KDM4B: variants seen among roughly 807,000 people sequenced by gnomAD.
KDM4B encodes the protein lysine demethylase 4B.
In KDM4B, 32 loss-of-function variants were observed where a neutral mutation model predicts 125.2. That is an observed-to-expected ratio of 0.26 (90% CI 0.19 to 0.34). The LOEUF (loss-of-function observed/expected upper bound fraction) is 0.34. KDM4B is among the 10% of genes least tolerant of loss of function. KDM4B has a pLI of 1.00. For missense variants in KDM4B, 1,190 were observed against 1,577.7 expected (o/e 0.75, Z 4.16); for synonymous variants, 721 against 677.9 (o/e 1.06, Z -0.99).
chr19:5,135,275 C>G, intron 14 of KDM4B, 64 bp from the exon 15 acceptor site: 1 of 1,163,386 alleles, frequency 8.6e-7, no homozygotes, highest in South Asian at 1.3e-5. Flanking sequence ...GAGAGAGGTC[C>G]GCGCCGCCCG....
At chr19:5,019,918 ATGTTGGTGTG>A (rs2036046435) in intron 2 of KDM4B, among the ~76,000 whole-genome samples, 3 of 48,310 alleles carry the variant, frequency 6.2e-5, no homozygotes, top group African/African-American at 2.3e-4. Context: ...GTTGGTGTGG[ATGTTGGTGTG>A]GGTGTTGGTG....
At position 5,111,721 on chromosome 19, in the gene KDM4B, A is replaced by T. The variant is rs1054681944; in HGVS notation, c.1115+903A>T. ...GGACGGCACAGAGTGGGCTCAGCCA[A>T]CTCCTCCGGGGAAGGGCCAGAGAGC... is the stretch of plus-strand genomic sequence containing the variant. On this transcript the variant is annotated intron_variant, in intron 10 of 22. Coordinates refer to ENST00000159111, the MANE Select transcript of KDM4B (RefSeq NM_015015.3). 2.6e-5 allele frequency: 20 copies of T among 760,508 alleles called. No homozygotes were observed. In the Admixed American group the frequency reaches 3.4e-4, roughly 13 times the overall value. 47.1% of individuals were successfully genotyped at this position (760,508 alleles called of 1,614,324 possible).
At chr19:5,070,329 C>T (rs1265586773) in intron 6 of KDM4B, among the ~76,000 whole-genome samples, 1 of 152,250 alleles carries the variant, frequency 6.6e-6, no homozygotes, top group Non-Finnish European at 1.5e-5. Flanking sequence ...AGAGTCCCAA[C>T]ATCGCAGGTC....
At position 5,037,897 on chromosome 19, in the gene KDM4B, C is replaced by T. The variant is rs542701943; in HGVS notation, c.142-1939C>T. Among the ~76,000 whole-genome samples the T allele has an allele frequency of 2.6e-5, 4 of 152,378 alleles. No individual in the cohort carries two copies. The South Asian group carries it at 8.3e-4, about 32-fold the overall frequency. ...TAAAGAAACCTGTGCATGCCGGCCA[C>T]GGAGGCAGCACCTTCCTGTCGTTAA... On this transcript the variant is annotated intron_variant, in intron 3 of 22. Coordinates refer to ENST00000159111, the MANE Select transcript of KDM4B (RefSeq NM_015015.3).
rs1221088520 is a variant in KDM4B at position 5,137,490 on chromosome 19, C to G, written c.2386-131C>G. Reference sequence around the variant, plus strand: ...GGGTGGAACCCAAGGGATTCCCACCCGTCACTTTGGTGGCTGCTAGGTTGA... The same window carrying G: ...GGGTGGAACCCAAGGGATTCCCACCGGTCACTTTGGTGGCTGCTAGGTTGA... On this transcript the variant is annotated intron_variant, in intron 16 of 22. Transcript: ENST00000159111. The G allele has an allele frequency of 7.4e-6, 9 of 1,212,404 alleles. No individual in the cohort carries two copies. In the East Asian group the frequency reaches 2.3e-4, roughly 31 times the overall value. 75.1% of individuals were successfully genotyped at this position (1,212,404 alleles called of 1,614,324 possible).
At chr19:5,112,548 G>C (rs543378985) in intron 10 of KDM4B, 1 of 152,226 alleles carries the variant, frequency 6.6e-6, no homozygotes, top group African/African-American at 2.4e-5. Context: ...GCAGAAACAG[G>C]CCTTGGAACT....
rs1041211025 is a variant in KDM4B at position 5,084,481 on chromosome 19, TTA to T, written c.918+1983_918+1984del. Among the ~76,000 whole-genome samples, 111 of 138,412 alleles carry T rather than the reference TTA, an allele frequency of 8.0e-4. No individual in the cohort carries two copies. The South Asian group carries it at 0.012, about 15-fold the overall frequency. 90.8% of individuals were successfully genotyped at this position (138,412 alleles called of 152,430 possible). A position where few individuals can be genotyped will look rare whatever the true frequency, so the allele number is the denominator to read the frequency against. Reference sequence around the variant, plus strand: ...TTTATATATTATATATAAATATAAATTATATATGTTATAATTTATATATTATA... The same window carrying T: ...TTTATATATTATATATAAATATAAATTATATGTTATAATTTATATATTATA... On this transcript the variant is annotated intron_variant, in intron 9 of 22. Coordinates refer to ENST00000159111, the MANE Select transcript of KDM4B (RefSeq NM_015015.3).
chr19:5,021,134 A>G (rs1364954961), intron 2 of KDM4B, among the ~76,000 whole-genome samples: 1 of 120,490 alleles, frequency 8.3e-6, no homozygotes, highest in Non-Finnish European at 1.7e-5. Flanking sequence ...ACAGAGTGAA[A>G]CTGTCTCAAA....
chr19:5,117,471 C>A (rs1417572492), intron 10 of KDM4B, among the ~76,000 whole-genome samples: 1 of 152,080 alleles, frequency 6.6e-6, no homozygotes, highest in Non-Finnish European at 1.5e-5. Context: ...GCCCTACAGC[C>A]CTGGGGCATT....
chr19:5,101,367 A>G (rs2038930044), intron 9 of KDM4B, among the ~76,000 whole-genome samples: 2 of 149,618 alleles, frequency 1.3e-5, no homozygotes, highest in South Asian at 4.2e-4. Context: ...TGTAATGATT[A>G]CAAGTGAGGG....
chr19:5,085,417 G>T (rs2038458609), intron 9 of KDM4B, among the ~76,000 whole-genome samples: 1 of 152,352 alleles, frequency 6.6e-6, no homozygotes, highest in South Asian at 2.1e-4. Flanking sequence ...TGAGCTGTAA[G>T]CCCCAGGCCT....
intron 18 of KDM4B, among the ~76,000 whole-genome samples, chr19:5,143,396 G>T (rs898454660): frequency 6.6e-6 from 1 of 151,848 alleles, no homozygotes; most frequent in African/African-American, 2.4e-5. Context: ...ATTCTGAGTT[G>T]TGCCAACTAT....
At chr19:5,059,679 G>A (rs1390618109) in intron 6 of KDM4B, among the ~76,000 whole-genome samples, 1 of 152,236 alleles carries the variant, frequency 6.6e-6, no homozygotes, top group African/African-American at 2.4e-5. Flanking sequence ...CATTTAGGAC[G>A]CTCCAGGCCA....
chr19:5,106,573 C>A (rs569785232), intron 9 of KDM4B, among the ~76,000 whole-genome samples: 1 of 152,236 alleles, frequency 6.6e-6, no homozygotes, highest in African/African-American at 2.4e-5. Flanking sequence ...GCCACCCCTC[C>A]CTCTGCTGTC....
intron 1 of KDM4B, among the ~76,000 whole-genome samples, chr19:4,989,801 C>T (rs760068351): frequency 6.6e-6 from 1 of 152,130 alleles, no homozygotes; most frequent in Admixed American, 6.6e-5. Context: ...TACAGGCATG[C>T]GCCACTGTGC....
At chr19:5,145,209 A>G (rs111762699) in intron 21 of KDM4B, among the ~76,000 whole-genome samples, 10,590 of 145,636 alleles carry the variant, frequency 0.073, 437 homozygotes, top group Non-Finnish European at 0.096. Context: ...ACAGCTCAGT[A>G]CCCCTGGGTT....
Position 5,114,198 on chromosome 19 carries a change from C to T in KDM4B, c.1115+3380C>T, listed in dbSNP as rs747419986. On this transcript the variant is annotated intron_variant, in intron 10 of 22. Transcript: ENST00000159111. This position sits in a 1 kb window ranked among gnomAD's most constrained non-coding sequence, Gnocchi z 5.8. ...ATGCAAACTCTTTCCACGCGAGAAG[C>T]GCCATGTGCACGTGCTCCAGCAGGT... 19 of 1,289,648 alleles carry T rather than the reference C, an allele frequency of 1.5e-5. No homozygotes were observed. Among genetic ancestry groups the T allele is most frequent in the African/African-American group, 9.1e-5 (6 of 65,874 alleles). 79.9% of individuals were successfully genotyped at this position (1,289,648 alleles called of 1,614,324 possible). A position where few individuals can be genotyped will look rare whatever the true frequency, so the allele number is the denominator to read the frequency against.
intron 1 of KDM4B, among the ~76,000 whole-genome samples, chr19:5,003,922 C>G (rs1482395372): frequency 2.0e-5 from 3 of 152,212 alleles, no homozygotes; most frequent in Non-Finnish European, 2.9e-5. Flanking sequence ...CACAGCAGGT[C>G]TGCCCCGTGG....
intron 1 of KDM4B, among the ~76,000 whole-genome samples, chr19:5,012,289 G>A (rs768787625): frequency 3.3e-5 from 5 of 152,164 alleles, no homozygotes; most frequent in East Asian, 1.9e-4. Flanking sequence ...GAGAGTTCCC[G>A]TCTCTGCCTG....
Sources: gnomAD v4.1 joint callset for allele counts (sites outside exome capture counted in the v4.1 genomes callset) on GRCh38, gnomAD v4.1.1 for gene constraint, Gnocchi (gnomAD v3.1) non-coding constraint, MANE v1.5 for transcripts, NCBI Gene and HGNC (gene_info 2026-07-23, HGNC 2026-07-21) for gene names.